The following AGMO variants were observed in gnomAD, a reference collection of about 807,000 sequenced individuals.
AGMO encodes the protein alkylglycerol monooxygenase, also known as glyceryl-ether monooxygenase.
Under a neutral mutation model 60.2 loss-of-function variants are expected in AGMO, and 75 were observed. The observed-to-expected ratio is 1.25, with a 90% CI of 1.03 to 1.51. The LOEUF is 1.51. AGMO is among the 40% of genes most tolerant of loss of function. The probability of loss-of-function intolerance (pLI) is 0.00; values close to 1 mark genes in which losing one functional copy is unlikely to be tolerated. For synonymous variants in AGMO, 261 were observed against 177.1 expected (o/e 1.47, Z -3.76); for missense variants, 763 against 525.5 (o/e 1.45, Z -4.42).
intron 3 of AGMO, among the ~76,000 whole-genome samples, chr7:15,511,121 A>G (rs1463572092): frequency 6.6e-6 from 1 of 152,100 alleles, no homozygotes; most frequent in Non-Finnish European, 1.5e-5. Context: ...CCAGTTCAGT[A>G]TCATGGGTGG....
intron 3 of AGMO, among the ~76,000 whole-genome samples, chr7:15,485,142 CAAAAAAA>C (rs34731268): frequency 1.1e-4 from 11 of 97,810 alleles, no homozygotes; most frequent in South Asian, 3.4e-4. Flanking sequence ...ACTAAAAATA[CAAAAAAA>C]AAAAAAAAAA....
At chr7:15,136,908 A>G in the AGMO span, among the ~76,000 whole-genome samples, 2 of 152,056 alleles carry the variant, frequency 1.3e-5, no homozygotes, top group African/African-American at 2.4e-5. Flanking sequence ...GTTTCCCTAC[A>G]CTGAAATTCT....
chr7:15,256,354 T>G (rs1783097307), intron 12 of AGMO, among the ~76,000 whole-genome samples: 1 of 152,202 alleles, frequency 6.6e-6, no homozygotes. Context: ...TTATTTTTTA[T>G]TTTTTTGAGA....
chr7:15,161,267 G>C, the AGMO span, among the ~76,000 whole-genome samples: 2 of 151,998 alleles, frequency 1.3e-5, no homozygotes, highest in Non-Finnish European at 2.9e-5. Flanking sequence ...ATGCAGATGG[G>C]CCACATCTAA....
At chr7:15,363,227 G>C (rs1782833123) in intron 12 of AGMO, among the ~76,000 whole-genome samples, 1 of 152,144 alleles carries the variant, frequency 6.6e-6, no homozygotes, top group Admixed American at 6.5e-5. Flanking sequence ...CTTCAACATT[G>C]TTGTTCTTCC....
chr7:15,188,068 G>A, the AGMO span, among the ~76,000 whole-genome samples: 1 of 152,170 alleles, frequency 6.6e-6, no homozygotes, highest in Non-Finnish European at 1.5e-5. Flanking sequence ...CCGCTGCCAT[G>A]AACGAGGCTA....
At chr7:15,330,400 T>G (rs1781463492) in intron 12 of AGMO, among the ~76,000 whole-genome samples, 1 of 152,192 alleles carries the variant, frequency 6.6e-6, no homozygotes, top group African/African-American at 2.4e-5. Context: ...TATCCTTCAC[T>G]GAAGTCCTGC....
chr7:15,205,716 T>C (rs560041202), intron 12 of AGMO, among the ~76,000 whole-genome samples: 111 of 152,244 alleles, frequency 7.3e-4, no homozygotes, highest in Non-Finnish European at 1.3e-3. Context: ...ATTTAGTGAA[T>C]TATATGTTTT....
At chr7:15,396,607 C>A (rs954373760) in intron 5 of AGMO, 1 of 152,268 alleles carries the variant, frequency 6.6e-6, no homozygotes, top group Non-Finnish European at 1.5e-5. Flanking sequence ...CTTTTATTCC[C>A]TTATCCGGCC....
At chr7:15,183,128 A>C in the AGMO span, among the ~76,000 whole-genome samples, 8 of 45,206 alleles carry the variant, frequency 1.8e-4, no homozygotes, top group Non-Finnish European at 3.0e-4. Context: ...GTTCAAGTAT[A>C]CTTTTTTTTT....
At chr7:15,543,883 C>A (rs1261445961) in intron 3 of AGMO, among the ~76,000 whole-genome samples, 1 of 151,818 alleles carries the variant, frequency 6.6e-6, no homozygotes, top group Non-Finnish European at 1.5e-5. Context: ...AATCTCCACA[C>A]TGTTTTCCAT....
chr7:15,265,423 C>T (rs987416199), intron 12 of AGMO, among the ~76,000 whole-genome samples: 1 of 151,756 alleles, frequency 6.6e-6, no homozygotes, highest in African/African-American at 2.4e-5. Context: ...TGCACATGTA[C>T]CATTTAATCT....
At chr7:15,188,445 A>G in the AGMO span, among the ~76,000 whole-genome samples, 1 of 152,220 alleles carries the variant, frequency 6.6e-6, no homozygotes, top group East Asian at 1.9e-4. Context: ...GTATAGTAAT[A>G]TGTCCATTAC....
At chr7:15,402,269 CT>C (rs1784569134) in intron 5 of AGMO, among the ~76,000 whole-genome samples, 1 of 151,968 alleles carries the variant, frequency 6.6e-6, no homozygotes, top group South Asian at 2.1e-4. Flanking sequence ...CCACACCTCA[CT>C]TCTGTTCCTC....
chr7:15,217,057 T>C (rs993479733), intron 12 of AGMO, among the ~76,000 whole-genome samples: 3 of 151,972 alleles, frequency 2.0e-5, no homozygotes, highest in Non-Finnish European at 4.4e-5. Context: ...AGAAAAGAAA[T>C]ACTAGAGTCT....
intron 10 of AGMO, among the ~76,000 whole-genome samples, chr7:15,373,791 G>A (rs959734488): frequency 1.3e-5 from 2 of 152,098 alleles, no homozygotes; most frequent in Non-Finnish European, 2.9e-5. Context: ...AAAATCTCTA[G>A]ATTTTCTTAT....
downstream of AGMO, among the ~76,000 whole-genome samples, chr7:15,198,005 C>T (rs539394734): frequency 2.6e-5 from 4 of 152,156 alleles, no homozygotes; most frequent in East Asian, 1.9e-4. Flanking sequence ...TTAACAGCTC[C>T]TAACAGGATT....
chr7:15,387,380 T>A (rs1783958602), intron 9 of AGMO, 26 bp downstream of exon 9: 1 of 1,606,266 alleles, frequency 6.2e-7, no homozygotes, highest in Non-Finnish European at 8.5e-7. Flanking sequence ...ATCTTCACCA[T>A]CTCCAATTCT....
At chr7:15,405,501 T>A (rs577543390) in intron 5 of AGMO, among the ~76,000 whole-genome samples, 27 of 152,076 alleles carry the variant, frequency 1.8e-4, no homozygotes, top group African/African-American at 6.5e-4. Context: ...AATCATTCTG[T>A]ATCTTGATAA....
Sources: allele counts gnomAD v4.1 joint callset (sites outside exome capture counted in the v4.1 genomes callset), GRCh38; gene constraint gnomAD v4.1.1; transcripts MANE v1.5; gene names NCBI Gene and HGNC (gene_info 2026-07-23, HGNC 2026-07-21).